The following RBMS3 variants were observed in gnomAD, a reference collection of about 807,000 sequenced individuals.
RBMS3 encodes the protein RNA-binding motif, single-stranded-interacting protein 3.
RBMS3 carries 27 observed loss-of-function variants against 66.8 expected under a neutral mutation model. The observed-to-expected ratio is 0.40, with a 90% CI of 0.30 to 0.56. The LOEUF (loss-of-function observed/expected upper bound fraction) is 0.56. Ranked by LOEUF, RBMS3 falls within the 20% of genes least tolerant of loss-of-function variation. The pLI is 0.40. For missense variants in RBMS3, 513 were observed against 549.5 expected (o/e 0.93, Z 0.66); for synonymous variants, 188 against 183.0 (o/e 1.03, Z -0.22).
chr3:29,669,278 A>C (rs1233797527), intron 4 of RBMS3, among the ~76,000 whole-genome samples: 3 of 152,128 alleles, frequency 2.0e-5, no homozygotes, highest in Admixed American at 2.0e-4. Flanking sequence ...TCCCTCAATA[A>C]ATCACATGTC....
chr3:29,618,192 A>T (rs982071233), intron 4 of RBMS3, among the ~76,000 whole-genome samples: 2 of 152,182 alleles, frequency 1.3e-5, no homozygotes, highest in Non-Finnish European at 2.9e-5. Context: ...TTAAATAAAA[A>T]TCTAAAAATA....
chr3:29,438,282 G>A (rs1559361661), intron 2 of RBMS3, among the ~76,000 whole-genome samples: 1 of 151,882 alleles, frequency 6.6e-6, no homozygotes, highest in Non-Finnish European at 1.5e-5. Context: ...ATTCCTTATA[G>A]GAAATGCAAT....
chr3:29,713,313 G>T (rs186255210), intron 4 of RBMS3, among the ~76,000 whole-genome samples: 120 of 152,088 alleles, frequency 7.9e-4, no homozygotes, highest in Non-Finnish European at 1.4e-3. Flanking sequence ...CCCTTAAGCT[G>T]CTTCTCACTG....
intron 1 of RBMS3, among the ~76,000 whole-genome samples, chr3:29,403,455 A>G (rs2039892394): frequency 2.6e-5 from 4 of 152,098 alleles, no homozygotes; most frequent in Admixed American, 2.6e-4. Flanking sequence ...AGCCACTTGC[A>G]TAGCTAACTT....
At chr3:29,735,757 A>C (rs2054352391) in intron 4 of RBMS3, among the ~76,000 whole-genome samples, 1 of 152,170 alleles carries the variant, frequency 6.6e-6, no homozygotes. Context: ...TTTAAGAATA[A>C]AGTCAGTGTT....
chr3:29,885,488 T>G (rs1334188060), intron 8 of RBMS3, among the ~76,000 whole-genome samples: 15 of 151,926 alleles, frequency 9.9e-5, no homozygotes, highest in Admixed American at 9.9e-4. Context: ...CATTATATAT[T>G]AAGTGATAGT....
intron 4 of RBMS3, among the ~76,000 whole-genome samples, chr3:29,652,085 C>T (rs933338235): frequency 6.6e-6 from 1 of 152,112 alleles, no homozygotes; most frequent in African/African-American, 2.4e-5. Context: ...ATCCACCTTT[C>T]TGATGATGGT....
chr3:29,811,491 G>C (rs1261494039), intron 6 of RBMS3, among the ~76,000 whole-genome samples: 7 of 152,156 alleles, frequency 4.6e-5, no homozygotes, highest in Admixed American at 4.6e-4. Context: ...AGGTTCTTGA[G>C]ATTCATTAGT....
At chr3:29,402,167 A>C (rs2039840735) in intron 1 of RBMS3, among the ~76,000 whole-genome samples, 1 of 152,062 alleles carries the variant, frequency 6.6e-6, no homozygotes, top group South Asian at 2.1e-4. Flanking sequence ...GCTTGTGGAT[A>C]TATGCCTGAA....
At chr3:29,728,795 T>C (rs2053998750) in intron 4 of RBMS3, among the ~76,000 whole-genome samples, 1 of 152,130 alleles carries the variant, frequency 6.6e-6, no homozygotes, top group Non-Finnish European at 1.5e-5. Flanking sequence ...TAGCAGAATT[T>C]TTTTTTAAGT....
chr3:29,549,518 G>GA (rs1344816923), intron 3 of RBMS3, among the ~76,000 whole-genome samples: 1 of 150,626 alleles, frequency 6.6e-6, no homozygotes, highest in Non-Finnish European at 1.5e-5. Context: ...TCCTGTCTCA[G>GA]CCTCCCGAAT....
chr3:29,616,315 T>G (rs1192106052), intron 4 of RBMS3: 1 of 152,074 alleles, frequency 6.6e-6, no homozygotes, highest in East Asian at 1.9e-4. Context: ...CGAAACCCCG[T>G]CTCTACTAAA....
At chr3:29,642,905 A>G (rs2049778954) in intron 4 of RBMS3, 1 of 152,072 alleles carries the variant, frequency 6.6e-6, no homozygotes, top group Non-Finnish European at 1.5e-5. Context: ...GAGTAATTCA[A>G]GTCTGCCTTT....
intron 1 of RBMS3, among the ~76,000 whole-genome samples, chr3:29,346,477 C>T (rs1001723425): frequency 7.3e-6 from 1 of 136,714 alleles, no homozygotes; most frequent in African/African-American, 2.7e-5. Flanking sequence ...GATCTCAGCT[C>T]ACTGCAACCT....
chr3:29,733,286 AT>A (rs1439020116), intron 4 of RBMS3, among the ~76,000 whole-genome samples: 3 of 152,026 alleles, frequency 2.0e-5, no homozygotes, highest in Non-Finnish European at 2.9e-5. Context: ...ATTTCTATAA[AT>A]TCGTTATACA....
At chr3:29,759,606 A>G (rs945809961) in intron 5 of RBMS3, among the ~76,000 whole-genome samples, 3 of 152,128 alleles carry the variant, frequency 2.0e-5, no homozygotes, top group African/African-American at 7.2e-5. Flanking sequence ...AGCGTGTGCC[A>G]GATTCCAGAC....
chr3:29,444,222 C>T (rs1276113378), intron 2 of RBMS3, among the ~76,000 whole-genome samples: 4 of 151,906 alleles, frequency 2.6e-5, no homozygotes, highest in Non-Finnish European at 2.9e-5. Flanking sequence ...GTATTTTGCA[C>T]GTGAGTACTT....
At chr3:29,785,827 G>A (rs1171724341) in intron 6 of RBMS3, among the ~76,000 whole-genome samples, 1 of 152,008 alleles carries the variant, frequency 6.6e-6, no homozygotes, top group Admixed American at 6.6e-5. Flanking sequence ...ACATAGTACT[G>A]GAAGTCTTAG....
intron 10 of RBMS3, among the ~76,000 whole-genome samples, chr3:29,923,191 G>A (rs1292529785): frequency 2.0e-5 from 3 of 152,190 alleles, no homozygotes; most frequent in Non-Finnish European, 4.4e-5. Context: ...GATCAGGGCT[G>A]TTTGTTTTTC....
Sources: allele counts gnomAD v4.1 joint callset (sites outside exome capture counted in the v4.1 genomes callset), GRCh38; gene constraint gnomAD v4.1.1; transcripts MANE v1.5; gene names NCBI Gene and HGNC (gene_info 2026-07-23, HGNC 2026-07-21).